Variants in MEGF10 observed in about 807,000 individuals in gnomAD.
MEGF10 encodes the protein multiple epidermal growth factor-like domains protein 10.
In MEGF10, 86 loss-of-function variants were observed where a neutral mutation model predicts 147.5. The observed-to-expected ratio is 0.58, with a 90% CI of 0.49 to 0.70. The LOEUF (loss-of-function observed/expected upper bound fraction) is 0.70. Among genes scored for constraint, MEGF10 ranks in the 30% least tolerant of loss-of-function variants. The pLI is 0.00. For missense variants in MEGF10, 1,329 were observed against 1,487.3 expected (o/e 0.89, Z 1.75); for synonymous variants, 478 against 525.5 (o/e 0.91, Z 1.24).
chr5:127,420,319 T>G, intron 12 of MEGF10, 112 bp downstream of exon 12: 1 of 1,171,422 alleles, frequency 8.5e-7, no homozygotes, highest in Non-Finnish European at 1.2e-6. Flanking sequence ...GAACCCAACT[T>G]CGGTAACTAC....
chr5:127,253,960 T>C, the MEGF10 span, among the ~76,000 whole-genome samples: 1 of 152,112 alleles, frequency 6.6e-6, no homozygotes, highest in African/African-American at 2.4e-5. Flanking sequence ...TTTATTTTTA[T>C]TTTTGTCAAA....
the MEGF10 span, among the ~76,000 whole-genome samples, chr5:127,271,348 T>C: frequency 3.9e-5 from 6 of 152,226 alleles, no homozygotes; most frequent in Non-Finnish European, 8.8e-5. Context: ...GTTGGCCACA[T>C]GTATGTCTTC....
At chr5:127,390,297 T>G (rs1400028065) in intron 5 of MEGF10, among the ~76,000 whole-genome samples, 1 of 149,270 alleles carries the variant, frequency 6.7e-6, no homozygotes, top group African/African-American at 2.4e-5. Flanking sequence ...TGGGGCATCT[T>G]TTTTTTTTTT....
chr5:127,437,921 C>T (rs1224947757), intron 16 of MEGF10, among the ~76,000 whole-genome samples: 2 of 152,214 alleles, frequency 1.3e-5, no homozygotes, highest in Non-Finnish European at 2.9e-5. Flanking sequence ...ATGTCCTCTC[C>T]TCACAGAGGC....
intron 4 of MEGF10, among the ~76,000 whole-genome samples, chr5:127,341,805 A>G (rs932233468): frequency 6.6e-6 from 1 of 152,192 alleles, no homozygotes; most frequent in Non-Finnish European, 1.5e-5. Context: ...ATATTGTTGC[A>G]TTATAAATAT....
chr5:127,377,782 C>T (rs1027737844), intron 5 of MEGF10, among the ~76,000 whole-genome samples: 3 of 152,142 alleles, frequency 2.0e-5, no homozygotes, highest in South Asian at 2.1e-4. Flanking sequence ...ATGCTGTCTG[C>T]GGAGAGTAGA....
chr5:127,407,097 A>G (rs965562351), intron 8 of MEGF10, among the ~76,000 whole-genome samples: 3 of 152,132 alleles, frequency 2.0e-5, no homozygotes, highest in African/African-American at 7.2e-5. Flanking sequence ...ATAGACAGGA[A>G]TTGGGGGAAT....
chr5:127,437,176 A>C (rs577321091), intron 16 of MEGF10, among the ~76,000 whole-genome samples: 2 of 152,184 alleles, frequency 1.3e-5, no homozygotes, highest in East Asian at 1.9e-4. Flanking sequence ...CTGAGCATCA[A>C]ATGGGCTAGA....
intron 9 of MEGF10, among the ~76,000 whole-genome samples, chr5:127,414,260 C>G (rs918875611): frequency 6.6e-6 from 1 of 152,132 alleles, no homozygotes; most frequent in African/African-American, 2.4e-5. Context: ...GGTATAAAAG[C>G]AAACCTGGGT....
chr5:127,396,819 A>G, intron 6 of MEGF10, 41 bp downstream of exon 6: 1 of 1,582,650 alleles, frequency 6.3e-7, no homozygotes, highest in Non-Finnish European at 8.6e-7. Flanking sequence ...GAGCCCACCC[A>G]CCCTCTCCAT....
the MEGF10 span, among the ~76,000 whole-genome samples, chr5:127,251,002 T>G: frequency 1.3e-5 from 2 of 152,016 alleles, no homozygotes; most frequent in African/African-American, 4.8e-5. Flanking sequence ...GCAGGACTTT[T>G]CTAAACAGAA....
chr5:127,248,898 G>GT, the MEGF10 span, among the ~76,000 whole-genome samples: 2 of 145,726 alleles, frequency 1.4e-5, no homozygotes, highest in African/African-American at 2.6e-5. Flanking sequence ...AGATTGAAAA[G>GT]TAAAAAAAAA....
intron 21 of MEGF10, 36 bp downstream of exon 21, chr5:127,447,720 T>C (rs781778129): frequency 3.1e-6 from 5 of 1,613,074 alleles, no homozygotes; most frequent in Non-Finnish European, 3.4e-6. Context: ...GGAAGTGGGC[T>C]GGGGAGAGAG....
chr5:127,427,304 T>C (rs946672525), intron 13 of MEGF10, among the ~76,000 whole-genome samples: 40 of 152,056 alleles, frequency 2.6e-4, no homozygotes, highest in African/African-American at 9.2e-4. Flanking sequence ...ACATAATCAA[T>C]GGCAAATGAG....
intron 13 of MEGF10, among the ~76,000 whole-genome samples, chr5:127,427,606 G>A (rs1350197890): frequency 6.6e-6 from 1 of 152,008 alleles, no homozygotes; most frequent in Non-Finnish European, 1.5e-5. Flanking sequence ...GGCCTAGAGT[G>A]GCCGCAGCCT....
chr5:127,330,153 C>T lies in MEGF10; in HGVS notation c.-18-1138C>T, dbSNP rs374698579. On this transcript the variant is annotated intron_variant, in intron 1 of 24. Transcript: ENST00000503335. ...TCCATGTTCAATAGACAAGTCCTGTCGATTCCGCATCCTAAAAATCTCCCA... is the reference window on the plus strand; with the variant it reads ...TCCATGTTCAATAGACAAGTCCTGTTGATTCCGCATCCTAAAAATCTCCCA... Among the ~76,000 whole-genome samples the T allele has an allele frequency of 4.8e-4, 73 of 152,268 alleles. 4 individuals are homozygous for T. The South Asian group carries it at 0.015, about 30-fold the overall frequency.
intron 1 of MEGF10, among the ~76,000 whole-genome samples, chr5:127,306,842 G>C (rs1002921471): frequency 2.0e-5 from 3 of 152,206 alleles, no homozygotes; most frequent in Non-Finnish European, 4.4e-5. Flanking sequence ...GGTACTTTAT[G>C]CTGGGTTGTG....
intron 1 of MEGF10, among the ~76,000 whole-genome samples, chr5:127,303,899 G>T (rs2431496): frequency 0.54 from 81,751 of 152,032 alleles, 22,676 homozygotes; most frequent in Middle Eastern, 0.63. Context: ...TAATAGAGCT[G>T]TTATGAAGTT....
rs909260267 is a variant in MEGF10 at position 127,297,074 on chromosome 5, C to T, written c.-19+6018C>T. Reference sequence around the variant, plus strand: ...CTCCGCCTCTGGGGTTCAAGTGATCCTCCTGCCTCAGCATCCCGAGTAGCT... The same window carrying T: ...CTCCGCCTCTGGGGTTCAAGTGATCTTCCTGCCTCAGCATCCCGAGTAGCT... On this transcript the variant is annotated intron_variant, in intron 1 of 24. Coordinates refer to ENST00000503335, the MANE Select transcript of MEGF10 (RefSeq NM_001256545.2). Among the ~76,000 whole-genome samples, 8 of 152,292 alleles carry T rather than the reference C, an allele frequency of 5.3e-5. No individual in the cohort carries two copies. The South Asian group carries it at 8.3e-4, about 16-fold the overall frequency.
Sources: allele counts gnomAD v4.1 joint callset (sites outside exome capture counted in the v4.1 genomes callset), GRCh38; gene constraint gnomAD v4.1.1; transcripts MANE v1.5; gene names NCBI Gene and HGNC (gene_info 2026-07-23, HGNC 2026-07-21).